NUBPL: variants seen among roughly 807,000 people sequenced by gnomAD.
NUBPL encodes iron-sulfur cluster transfer protein NUBPL.
NUBPL carries 31 observed loss-of-function variants against 45.7 expected under a neutral mutation model. The observed-to-expected ratio is 0.68, with a 90% CI of 0.51 to 0.92. The LOEUF is 0.92. Among genes scored for constraint, NUBPL ranks in the 40% least tolerant of loss-of-function variants. The probability of loss-of-function intolerance (pLI) is 0.00; values close to 1 mark genes in which losing one functional copy is unlikely to be tolerated. For synonymous variants in NUBPL, 144 were observed against 140.9 expected, an observed-to-expected ratio of 1.02 and a Z score of -0.15; for missense variants, 401 against 398.7, an observed-to-expected ratio of 1.01 and a Z score of -0.05.
In NUBPL at chr14:31,666,491, A is replaced by T. The variant is rs772186233; in HGVS notation, c.383-6864A>T. On this transcript the variant is annotated intron_variant, in intron 4 of 10. Transcript: ENST00000281081. ...TATTGGTCAGGCTGGTCTCAAACTC[A>T]TGACCTTGTGATCTGCTCGCCTCGG... 3.3e-5 allele frequency among the ~76,000 whole-genome samples: 5 copies of T among 151,082 alleles called. No homozygotes were observed. In the East Asian group the frequency reaches 9.8e-4, roughly 30 times the overall value.
In NUBPL at chr14:31,599,155, T is replaced by A. The variant is rs979411084; in HGVS notation, c.292-134T>A. 6 of 713,256 alleles carry A rather than the reference T, an allele frequency of 8.4e-6. No homozygotes were observed. The African/African-American group carries it at 1.1e-4, about 13-fold the overall frequency. 44.2% of individuals were successfully genotyped at this position (713,256 alleles called of 1,614,324 possible). ...TTGCTTTGGAAGTTTAGGTTATGATTTGTAATATTTTGCCAATTTTATTTT... is the reference window on the plus strand; with the variant it reads ...TTGCTTTGGAAGTTTAGGTTATGATATGTAATATTTTGCCAATTTTATTTT... On this transcript the variant is annotated intron_variant, in intron 3 of 10. Coordinates refer to ENST00000281081, the MANE Select transcript of NUBPL (RefSeq NM_025152.3).
intron 3 of NUBPL, among the ~76,000 whole-genome samples, chr14:31,591,538 T>G (rs980330869): frequency 6.6e-6 from 1 of 152,176 alleles, no homozygotes; most frequent in Non-Finnish European, 1.5e-5. Context: ...CTATTTTTTT[T>G]GGAGTTGAGG....
chr14:31,570,592 TC>T (rs1463921269), intron 3 of NUBPL, among the ~76,000 whole-genome samples: 1 of 152,212 alleles, frequency 6.6e-6, no homozygotes, highest in Non-Finnish European at 1.5e-5. Flanking sequence ...TTATTGATTC[TC>T]CCCTAATATC....
chr14:31,666,586 AT>A (rs2036435676), intron 4 of NUBPL, among the ~76,000 whole-genome samples: 1 of 152,004 alleles, frequency 6.6e-6, no homozygotes. Context: ...TTATGTGTGA[AT>A]TTGATCATAA....
At chr14:31,627,498 G>A (rs2035234660) in intron 4 of NUBPL, among the ~76,000 whole-genome samples, 1 of 151,940 alleles carries the variant, frequency 6.6e-6, no homozygotes, top group African/African-American at 2.4e-5. Context: ...AAAATTATTG[G>A]CCGGGCACGG....
intron 6 of NUBPL, among the ~76,000 whole-genome samples, chr14:31,782,172 A>G (rs1291112517): frequency 6.6e-6 from 1 of 152,178 alleles, no homozygotes; most frequent in Admixed American, 6.5e-5. Context: ...CGAGGCAGGC[A>G]TATCACGAGG....
chr14:31,592,171 C>T (rs2034159480), intron 3 of NUBPL, among the ~76,000 whole-genome samples: 2 of 152,020 alleles, frequency 1.3e-5, no homozygotes, highest in Non-Finnish European at 2.9e-5. Flanking sequence ...GAAGGAAGAG[C>T]TGGGGCAAAG....
At chr14:31,708,882 G>A (rs2037510252) in intron 6 of NUBPL, among the ~76,000 whole-genome samples, 3 of 152,204 alleles carry the variant, frequency 2.0e-5, no homozygotes, top group East Asian at 1.9e-4. Context: ...AGACATGGAC[G>A]AGGGGGCGGC....
intron 8 of NUBPL, chr14:31,846,235 G>A (rs2040449769): frequency 2.2e-6 from 1 of 463,554 alleles, no homozygotes; most frequent in African/African-American, 2.0e-5. Context: ...AGAATTTTTG[G>A]TTCCTGTTCA....
chr14:31,599,500 TTAAG>T (rs1226459688), intron 4 of NUBPL, 121 bp downstream of exon 4: 1 of 690,094 alleles, frequency 1.4e-6, no homozygotes, highest in Admixed American at 2.5e-5. Context: ...AAGTCCTCAC[TTAAG>T]TTAGTAGATT....
chr14:31,660,341 A>T (rs1020698864), intron 4 of NUBPL, among the ~76,000 whole-genome samples: 1 of 152,182 alleles, frequency 6.6e-6, no homozygotes, highest in Non-Finnish European at 1.5e-5. Flanking sequence ...ACAGCCACCT[A>T]AAGTTCTTCT....
At chr14:31,699,879 A>G (rs11848462) in intron 6 of NUBPL, among the ~76,000 whole-genome samples, 25,420 of 152,190 alleles carry the variant, frequency 0.17, 6,086 homozygotes, top group African/African-American at 0.53. Flanking sequence ...AACTGCAGTA[A>G]TATAATTCAT....
At chr14:31,776,452 C>T (rs1178152589) in intron 6 of NUBPL, among the ~76,000 whole-genome samples, 1 of 152,138 alleles carries the variant, frequency 6.6e-6, no homozygotes, top group Non-Finnish European at 1.5e-5. Flanking sequence ...TATTGCAAGT[C>T]GACTGACAAG....
chr14:31,644,143 T>A (rs1044481872), intron 4 of NUBPL, among the ~76,000 whole-genome samples: 1 of 152,086 alleles, frequency 6.6e-6, no homozygotes, highest in African/African-American at 2.4e-5. Context: ...CAATTTCATT[T>A]ATTTTTGCCC....
chr14:31,630,301 T>C (rs1434893686), intron 4 of NUBPL, among the ~76,000 whole-genome samples: 1 of 152,188 alleles, frequency 6.6e-6, no homozygotes, highest in South Asian at 2.1e-4. Context: ...TCTCAAAGCC[T>C]TAGTTTATTT....
chr14:31,631,479 C>T (rs2035341098), intron 4 of NUBPL, among the ~76,000 whole-genome samples: 2 of 134,712 alleles, frequency 1.5e-5, no homozygotes, highest in South Asian at 5.3e-4. Context: ...TACACACACA[C>T]ACACCCCCAC....
At chr14:31,648,517 G>A (rs900597057) in intron 4 of NUBPL, among the ~76,000 whole-genome samples, 4 of 152,224 alleles carry the variant, frequency 2.6e-5, no homozygotes, top group Admixed American at 2.6e-4. Flanking sequence ...ATTATGTTTG[G>A]GAATAAGTTT....
At chr14:31,740,123 G>T (rs1250069437) in intron 6 of NUBPL, among the ~76,000 whole-genome samples, 1 of 152,202 alleles carries the variant, frequency 6.6e-6, no homozygotes, top group Non-Finnish European at 1.5e-5. Flanking sequence ...ACATTTGTGT[G>T]TAGGTTTCTG....
chr14:31,715,306 T>A (rs1483095429), intron 6 of NUBPL, among the ~76,000 whole-genome samples: 1 of 152,238 alleles, frequency 6.6e-6, no homozygotes, highest in Non-Finnish European at 1.5e-5. Context: ...GTATAATTAT[T>A]CCACTTTTAT....
Sources: allele counts gnomAD v4.1 joint callset (sites outside exome capture counted in the v4.1 genomes callset), GRCh38; gene constraint gnomAD v4.1.1; transcripts MANE v1.5; gene names NCBI Gene and HGNC (gene_info 2026-07-23, HGNC 2026-07-21).